The following TACC1 variants were observed in gnomAD, a reference collection of about 807,000 sequenced individuals.
The protein encoded by TACC1 is transforming acidic coiled-coil containing protein 1.
A neutral mutation model predicts 84.4 loss-of-function variants in TACC1; 48 were observed. The ratio of observed to expected loss-of-function variants is 0.57; its 90% CI spans 0.45 to 0.72. The LOEUF (loss-of-function observed/expected upper bound fraction) is 0.72. Among genes scored for constraint, TACC1 ranks in the 30% least tolerant of loss-of-function variants. The pLI is 0.00. For synonymous variants in TACC1, 372 were observed against 376.3 expected (o/e 0.99, Z 0.13); for missense variants, 920 against 973.0 (o/e 0.95, Z 0.72).
At chr8:38,798,418 AG>A in intron 2 of TACC1, among the ~76,000 whole-genome samples, 1 of 152,226 alleles carries the variant, frequency 6.6e-6, no homozygotes, top group East Asian at 1.9e-4. Flanking sequence ...GTAGAGTCTT[AG>A]GTTTTAGGGG....
At chr8:38,798,128 C>CT (rs372828458) in intron 2 of TACC1, among the ~76,000 whole-genome samples, 29,568 of 144,656 alleles carry the variant, frequency 0.2, 3,370 homozygotes, top group Non-Finnish European at 0.27. Context: ...ATTTTTCTTC[C>CT]TTTTTTTTTT....
chr8:38,765,114 C>T (rs553441243), intron 3 of TACC1, among the ~76,000 whole-genome samples: 5 of 151,720 alleles, frequency 3.3e-5, no homozygotes, highest in Non-Finnish European at 7.4e-5. Flanking sequence ...AAAAAAATTC[C>T]GTATCATAAC....
At chr8:38,816,721 TC>T (rs1474480329) in intron 2 of TACC1, among the ~76,000 whole-genome samples, 3 of 152,102 alleles carry the variant, frequency 2.0e-5, no homozygotes, top group African/African-American at 7.2e-5. Flanking sequence ...GAGCTTCCAC[TC>T]CCTCTGGGCA....
chr8:38,776,803 C>A (rs1814880341), intron 3 of TACC1, among the ~76,000 whole-genome samples: 1 of 152,110 alleles, frequency 6.6e-6, no homozygotes, highest in South Asian at 2.1e-4. Flanking sequence ...TTCATGTAAT[C>A]CTGTTCAGAA....
intron 3 of TACC1, chr8:38,757,341 C>T (rs1810284959): frequency 7.9e-7 from 1 of 1,267,734 alleles, no homozygotes; most frequent in Admixed American, 2.4e-5. Context: ...CCATGGGAGG[C>T]TCCCACTCTC....
intron 3 of TACC1, among the ~76,000 whole-genome samples, chr8:38,748,615 A>G (rs1025270222): frequency 2.0e-5 from 3 of 152,182 alleles, no homozygotes; most frequent in Non-Finnish European, 1.5e-5. Context: ...CCACAATGAA[A>G]TTAAATTGGA....
At chr8:38,764,680 G>C (rs1400474721) in intron 3 of TACC1, among the ~76,000 whole-genome samples, 1 of 152,136 alleles carries the variant, frequency 6.6e-6, no homozygotes, top group Non-Finnish European at 1.5e-5. Context: ...AAATGCTAAG[G>C]TCTTGGCCGT....
At chr8:38,799,017 G>T (rs1474444929) in intron 2 of TACC1, among the ~76,000 whole-genome samples, 1 of 152,170 alleles carries the variant, frequency 6.6e-6, no homozygotes, top group Non-Finnish European at 1.5e-5. Context: ...TCAAATTTTG[G>T]ACTTTTAGCA....
intron 3 of TACC1, among the ~76,000 whole-genome samples, chr8:38,770,786 G>T (rs1369807521): frequency 6.6e-6 from 1 of 152,136 alleles, no homozygotes; most frequent in Admixed American, 6.6e-5. Flanking sequence ...AGTCTCTTCG[G>T]TATCCCTGAG....
At chr8:38,737,790 C>T (rs748252425) in intron 1 of TACC1, among the ~76,000 whole-genome samples, 1 of 150,368 alleles carries the variant, frequency 6.7e-6, no homozygotes, top group Non-Finnish European at 1.5e-5. Context: ...TGCAATGGTG[C>T]GATCTCGGCT....
rs117000897 is a variant in TACC1, at chr8:38,770,427, C to A, written c.27-18277C>A. ...CCTGCCCCCTCCGCCGCGCTCTCCC[C>A]CTTCGCACATTCGGAAACCCTCTTG... is the stretch of plus-strand genomic sequence containing the variant. On this transcript the variant is annotated intron_variant, in intron 3 of 14. Transcript: ENST00000518415. Among the ~76,000 whole-genome samples the A allele has an allele frequency of 4.5e-4, 69 of 152,254 alleles. No homozygotes were observed. The East Asian group carries it at 0.013, about 28-fold the overall frequency.
At chr8:38,831,222 C>T (rs1442365941) in intron 6 of TACC1, 45 bp downstream of exon 6, 8 of 1,601,474 alleles carry the variant, frequency 5.0e-6, no homozygotes, top group Non-Finnish European at 6.0e-6. Context: ...AGGTTTCTTT[C>T]AGTATTTGTT....
At chr8:38,734,543 G>C (rs765950627) in intron 1 of TACC1, among the ~76,000 whole-genome samples, 1 of 152,202 alleles carries the variant, frequency 6.6e-6, no homozygotes. Flanking sequence ...CAAGCAGAAA[G>C]GAAGAGTTGC....
At chr8:38,801,713 T>A (rs992865554) in intron 2 of TACC1, among the ~76,000 whole-genome samples, 3 of 152,214 alleles carry the variant, frequency 2.0e-5, no homozygotes, top group Admixed American at 6.5e-5. Flanking sequence ...TCCATTGCAT[T>A]TCTATATGAA....
chr8:38,793,289 G>A (rs1445655112), intron 2 of TACC1, among the ~76,000 whole-genome samples: 1 of 152,188 alleles, frequency 6.6e-6, no homozygotes, highest in Non-Finnish European at 1.5e-5. Context: ...GTTGTTTGTT[G>A]ACACAATTTT....
intron 1 of TACC1, among the ~76,000 whole-genome samples, chr8:38,731,083 A>G (rs1290233313): frequency 6.6e-6 from 1 of 152,018 alleles, no homozygotes; most frequent in Non-Finnish European, 1.5e-5. Context: ...ATGCACCACT[A>G]TGCCTGGCTA....
intron 2 of TACC1, among the ~76,000 whole-genome samples, chr8:38,816,944 C>G (rs899225290): frequency 2.0e-5 from 3 of 152,152 alleles, no homozygotes; most frequent in African/African-American, 7.2e-5. Flanking sequence ...CTTGGTCTTT[C>G]TGGTGACCAG....
rs1213408218 is a variant in TACC1, at chr8:38,852,360, C to T, written c.*4337C>T. On this transcript the variant is annotated 3_prime_UTR_variant, in exon 13 of 13. Transcript: ENST00000317827. ...ATGCTTTAACTTGTATGGAGGAGGC[C>T]AGGCTCAGAGCTGAGATGTGGCCTG... 1 of 163,840 alleles carries T rather than the reference C, an allele frequency of 6.1e-6. No individual in the cohort carries two copies. Among genetic ancestry groups the T allele is most frequent in the Non-Finnish European group, 1.3e-5 (1 of 74,208 alleles). The allele number at this position is 163,840 out of a possible 1,614,324, so 10.1% of individuals were successfully genotyped here. A position where few individuals can be genotyped will look rare whatever the true frequency, so the allele number is the denominator to read the frequency against.
At chr8:38,813,380 T>C (rs1370631995) in intron 2 of TACC1, among the ~76,000 whole-genome samples, 1 of 152,142 alleles carries the variant, frequency 6.6e-6, no homozygotes. Flanking sequence ...TTCGACAGAT[T>C]TGGTAAAATC....
Sources: allele counts gnomAD v4.1 joint callset (sites outside exome capture counted in the v4.1 genomes callset), GRCh38; gene constraint gnomAD v4.1.1; transcripts MANE v1.5; gene names NCBI Gene and HGNC (gene_info 2026-07-23, HGNC 2026-07-21).